OR10G3: variants seen among roughly 807,000 people sequenced by gnomAD.
OR10G3 encodes the protein olfactory receptor 10G3.
Under a neutral mutation model 13.4 loss-of-function variants are expected in OR10G3, and 8 were observed. The observed-to-expected ratio is 0.60, with a 90% CI of 0.35 to 1.08. OR10G3 has a LOEUF of 1.08. Ranked by LOEUF, OR10G3 falls within the 50% of genes least tolerant of loss-of-function variation. The pLI is 0.02. For synonymous variants in OR10G3, 142 were observed against 156.1 expected, an observed-to-expected ratio of 0.91 and a Z score of 0.67; for missense variants, 393 against 386.6, an observed-to-expected ratio of 1.02 and a Z score of -0.14.
chr14:21,572,615 A>C (rs897814781), intron 1 of OR10G3, among the ~76,000 whole-genome samples: 29 of 149,546 alleles, frequency 1.9e-4, no homozygotes, highest in East Asian at 1.4e-3. Context: ...AAACAAAAAA[A>C]AAAAAAAAAA....
At position 21,569,481 on chromosome 14, in the gene OR10G3, T is replaced by C. The variant is rs765611924; in HGVS notation, c.*322A>G. On this transcript the variant is annotated 3_prime_UTR_variant, in exon 2 of 2. Transcript: ENST00000641040. ...AAATATAATATTGGGAAATATCATA[T>C]TGAACTCTACGTTTTGGTGTGGGAG... The C allele has an allele frequency of 5.1e-5, 12 of 237,378 alleles. No individual in the cohort carries two copies. The highest frequency in any genetic ancestry group is 9.0e-5 in the Non-Finnish European group (11 of 121,658). The allele number at this position is 237,378 out of a possible 1,614,324, so 14.7% of individuals were successfully genotyped here. A position where few individuals can be genotyped will look rare whatever the true frequency, so the allele number is the denominator to read the frequency against.
At position 21,569,873 on chromosome 14, in the gene OR10G3, A is replaced by C. The variant is rs762472137; in HGVS notation, c.872T>G (p.Leu291Arg). ...TPFLNPLIYT[L>R]RNQEVKLALK... ...GGCCAGCTTCACCTCTTGGTTCCGC[A>C]GAGTGTAGATAAGGGGGTTGAGGAA... Residue 291 changes from leucine (L) to arginine (R), a missense_variant, in exon 2 of 2, where the codon CTG (leucine) becomes CGG (arginine). By Grantham distance (102) the Leu-to-Arg change is moderately radical. Coordinates refer to ENST00000641040, the MANE Select transcript of OR10G3 (RefSeq NM_001005465.2). The C allele has an allele frequency of 6.2e-7, 1 of 1,614,154 alleles. No homozygotes were observed. The highest frequency in any genetic ancestry group is 8.5e-7 in the Non-Finnish European group (1 of 1,180,016).
At position 21,570,515 on chromosome 14, in the gene OR10G3, A is replaced by G. The variant is rs1014615828; in HGVS notation, c.230T>C (p.Ile77Thr). The G allele has an allele frequency of 1.2e-6, 2 of 1,614,204 alleles. No homozygotes were observed. Among genetic ancestry groups the G allele is most frequent in the Middle Eastern group, 3.3e-4 (2 of 6,062 alleles). Residue 77 changes from isoleucine (I) to threonine (T), a missense_variant, in exon 2 of 2, where the codon ATC (isoleucine) becomes ACC (threonine). By Grantham distance (89) the Ile-to-Thr change is moderately conservative. Coordinates refer to ENST00000641040, the MANE Select transcript of OR10G3 (RefSeq NM_001005465.2). ...LSVIDMSISSIIVPRLMMNFT... is the reference protein window; with the variant it reads ...LSVIDMSISSTIVPRLMMNFT... The stretch of plus-strand genomic sequence containing the variant: ...GTTCATCATGAGGCGAGGGACAATG[A>G]TGGAGGAGATGCTCATATCAATGAC...
Position 21,570,134 on chromosome 14 carries a change from A to G in OR10G3, c.611T>C (p.Ile204Thr), listed in dbSNP as rs1283704686. The G allele has an allele frequency of 3.7e-6, 6 of 1,614,102 alleles. No homozygotes were observed. In the African/African-American group the frequency reaches 4.0e-5, roughly 11 times the overall value. ...TVNELVTFVDIGVVVASCFSL... is the reference protein window; with the variant it reads ...TVNELVTFVDTGVVVASCFSL... Reference sequence around the variant, plus strand: ...GAAGCAACTGGCAACCACCACCCCAATGTCTACAAACGTCACCAGCTCGTT... The same window carrying G: ...GAAGCAACTGGCAACCACCACCCCAGTGTCTACAAACGTCACCAGCTCGTT... Residue 204 changes from isoleucine (I) to threonine (T), a missense_variant, in exon 2 of 2, where the codon ATT (isoleucine) becomes ACT (threonine). Physicochemically the swap from Ile to Thr is moderately conservative, Grantham distance 89. Coordinates refer to ENST00000641040, the MANE Select transcript of OR10G3 (RefSeq NM_001005465.2).
rs139318973 is a variant in OR10G3 at position 21,576,019 on chromosome 14, A to G, written c.-18+3767T>C. Among the ~76,000 whole-genome samples the G allele has an allele frequency of 2.9e-3, 434 of 152,240 alleles. 3 individuals are homozygous for G. The highest frequency in any genetic ancestry group is 9.9e-3 in the African/African-American group (412 of 41,540). ...AAGTTCCCACACAGGTTCCTTGGGA[A>G]ATTCATGGCAGTGCACAATGGTAGC... On this transcript the variant is annotated intron_variant, in intron 1 of 1. Coordinates refer to ENST00000641040, the MANE Select transcript of OR10G3 (RefSeq NM_001005465.2).
In OR10G3 at chr14:21,570,142, A is replaced by G; in HGVS notation, c.603T>C (p.Phe201=). The G allele has an allele frequency of 8.1e-6, 13 of 1,614,232 alleles. No individual in the cohort carries two copies. The highest frequency in any genetic ancestry group is 1.1e-5 in the Non-Finnish European group (13 of 1,180,036). The change falls in exon 2 of 2, where the codon TTT becomes TTC. Residue 201 remains phenylalanine, a synonymous_variant. Transcript: ENST00000641040. ...ADTTVNELVT[F]VDIGVVVASC... is the part of the protein sequence containing the mutation. Reference sequence around the variant, plus strand: ...TGGCAACCACCACCCCAATGTCTACAAACGTCACCAGCTCGTTGACTGTTG... The same window carrying G: ...TGGCAACCACCACCCCAATGTCTACGAACGTCACCAGCTCGTTGACTGTTG...
chr14:21,571,315 T>A (rs1016548200), intron 1 of OR10G3, among the ~76,000 whole-genome samples: 1 of 152,198 alleles, frequency 6.6e-6, no homozygotes, highest in African/African-American at 2.4e-5. Context: ...AATAAGTGGC[T>A]GATTTTTATG....
At position 21,568,591 on chromosome 14, in the gene OR10G3, T is replaced by C. The variant is rs192440868; in HGVS notation, c.*1212A>G. The C allele has an allele frequency of 3.3e-5, 5 of 152,346 alleles. 1 individual carries two copies. Among genetic ancestry groups the C allele is most frequent in the African/African-American group, 7.2e-5 (3 of 41,582 alleles). The allele number at this position is 152,346 out of a possible 1,614,324, so 9.4% of individuals were successfully genotyped here. A position where few individuals can be genotyped will look rare whatever the true frequency, so the allele number is the denominator to read the frequency against. On this transcript the variant is annotated 3_prime_UTR_variant, in exon 2 of 2. Coordinates refer to ENST00000641040, the MANE Select transcript of OR10G3 (RefSeq NM_001005465.2). ...TTTTTGGTTACATGGATAAGTTCTT[T>C]AGTGGTGATTTCTGAGATTTTGGTG...
intron 1 of OR10G3, among the ~76,000 whole-genome samples, chr14:21,577,454 T>G (rs953550638): frequency 2.6e-5 from 4 of 152,170 alleles, no homozygotes; most frequent in African/African-American, 9.7e-5. Flanking sequence ...CTTTCCACAT[T>G]TTACTGAAAA....
chr14:21,570,084 G>C lies in OR10G3; in HGVS notation c.661C>G (p.Gln221Glu). Residue 221 changes from glutamine to glutamate, a missense_variant, in exon 2 of 2, where the codon CAG becomes GAG. Transcript: ENST00000641040. ...CFSLILLSYI[Q>E]IIQAILRIHT... ...ATTCTCAGGATGGCCTGAATGATCT[G>C]TATGTAGGAGAGGAGGATCAGGGAG... The C allele has an allele frequency of 6.2e-7, 1 of 1,614,204 alleles. No homozygotes were observed. The highest frequency in any genetic ancestry group is 8.5e-7 in the Non-Finnish European group (1 of 1,180,044).
intron 1 of OR10G3, among the ~76,000 whole-genome samples, chr14:21,573,172 A>G (rs1893090004): frequency 6.6e-6 from 1 of 152,210 alleles, no homozygotes; most frequent in South Asian, 2.1e-4. Context: ...AAAAGAAGGA[A>G]ATCCTGTCAT....
Position 21,569,517 on chromosome 14 carries a change from TGA to T in OR10G3, c.*284_*285del, listed in dbSNP as rs1217832143. The T allele has an allele frequency of 3.3e-6, 1 of 299,532 alleles. No individual in the cohort carries two copies. The highest frequency in any genetic ancestry group is 2.2e-5 in the African/African-American group (1 of 45,340). 18.6% of individuals were successfully genotyped at this position (299,532 alleles called of 1,614,324 possible). A position where few individuals can be genotyped will look rare whatever the true frequency, so the allele number is the denominator to read the frequency against. On this transcript the variant is annotated 3_prime_UTR_variant, in exon 2 of 2. Transcript: ENST00000641040. Reference sequence around the variant, plus strand: ...GTTTTGGTGTGGGAGAATTTATTACTGAGACATTGGAAAATACACTATTGCAT... The same window carrying T: ...GTTTTGGTGTGGGAGAATTTATTACTGACATTGGAAAATACACTATTGCAT...
chr14:21,572,295 A>AAAAAAAAAAAAAAAAAC (rs1893079385), intron 1 of OR10G3, among the ~76,000 whole-genome samples: 1 of 127,310 alleles, frequency 7.9e-6, no homozygotes, highest in Non-Finnish European at 1.7e-5. Context: ...CAAAAAAAAA[A>AAAAAAAAAAAAAAAAAC]AAAAAAAAAA....
At chr14:21,576,474 G>A (rs1316342185) in intron 1 of OR10G3, among the ~76,000 whole-genome samples, 7 of 152,176 alleles carry the variant, frequency 4.6e-5, no homozygotes, top group Middle Eastern at 3.4e-3. Flanking sequence ...TGTATCTAAG[G>A]GAATACTTCA....
chr14:21,578,846 CAT>C (rs1465781435), intron 1 of OR10G3, among the ~76,000 whole-genome samples: 2 of 151,848 alleles, frequency 1.3e-5, no homozygotes, highest in Non-Finnish European at 2.9e-5. Flanking sequence ...CAAATATATA[CAT>C]ATATAATATG....
At chr14:21,574,676 G>C (rs1281208942) in intron 1 of OR10G3, 1 of 152,140 alleles carries the variant, frequency 6.6e-6, no homozygotes, top group South Asian at 2.1e-4. Flanking sequence ...GACTGGGTGT[G>C]GTGGCTTATG....
chr14:21,577,203 G>C (rs11628984), intron 1 of OR10G3, among the ~76,000 whole-genome samples: 60,253 of 151,268 alleles, frequency 0.4, 12,781 homozygotes, highest in Non-Finnish European at 0.49. Flanking sequence ...GAGAGAGAGA[G>C]ATACGGAGGG....
intron 1 of OR10G3, among the ~76,000 whole-genome samples, chr14:21,573,945 A>G (rs1262393357): frequency 1.3e-5 from 2 of 152,330 alleles, no homozygotes; most frequent in East Asian, 3.9e-4. Flanking sequence ...TAAATAAAAC[A>G]GGCTTGATGA....
At position 21,575,818 on chromosome 14, in the gene OR10G3, C is replaced by A. The variant is rs536746492; in HGVS notation, c.-18+3968G>T. Among the ~76,000 whole-genome samples, 13 of 152,306 alleles carry A rather than the reference C, an allele frequency of 8.5e-5. No individual in the cohort carries two copies. In the South Asian group the frequency reaches 2.3e-3, roughly 27 times the overall value. Reference sequence around the variant, plus strand: ...ATCCCGCCACCCCATGCCATTTTATCCTCTTTCAAGTCAATAAAATGCAGT... The same window carrying A: ...ATCCCGCCACCCCATGCCATTTTATACTCTTTCAAGTCAATAAAATGCAGT... On this transcript the variant is annotated intron_variant, in intron 1 of 1. Coordinates refer to ENST00000641040, the MANE Select transcript of OR10G3 (RefSeq NM_001005465.2).
Sources: gnomAD v4.1 joint callset for allele counts (sites outside exome capture counted in the v4.1 genomes callset) on GRCh38, gnomAD v4.1.1 for gene constraint, MANE v1.5 for transcripts, NCBI Gene and HGNC (gene_info 2026-07-23, HGNC 2026-07-21) for gene names.